The following APOB variants were observed in gnomAD, a reference collection of about 807,000 sequenced individuals.
The protein encoded by APOB is apolipoprotein B-100.
Under a neutral mutation model 314.1 loss-of-function variants are expected in APOB, and 153 were observed. The ratio of observed to expected loss-of-function variants is 0.49; its 90% CI spans 0.43 to 0.56. APOB has a LOEUF of 0.56. Among genes scored for constraint, APOB ranks in the 20% least tolerant of loss-of-function variants. APOB has a pLI of 0.00. For synonymous variants in APOB, 2,087 were observed against 2,036.4 expected (o/e 1.02, Z -0.67); for missense variants, 5,430 against 5,350.7 (o/e 1.01, Z -0.46).
chr2:21,039,497 G>A (rs1189997014), intron 4 of APOB, among the ~76,000 whole-genome samples: 1 of 152,132 alleles, frequency 6.6e-6, no homozygotes, highest in Non-Finnish European at 1.5e-5. Flanking sequence ...TACATCAGGA[G>A]GAAAAGGTGA....
intron 12 of APOB, 33 bp from the exon 13 acceptor site, chr2:21,028,571 C>T (rs1558572515): frequency 6.1e-6 from 9 of 1,474,866 alleles, no homozygotes; most frequent in Non-Finnish European, 8.5e-6. Flanking sequence ...TTATCACTGT[C>T]CTGTGGTCAG....
chr2:21,011,980 T>C lies in APOB; in HGVS notation c.4888A>G (p.Ile1630Val). ...NSHGLELNADILGTDKINSGA... is the reference protein window; with the variant it reads ...NSHGLELNADVLGTDKINSGA... ...CTATTAATTTTGTCAGTGCCTAAGA[T>C]GTCAGCATTTAACTCAAGACCATGG... The change falls in exon 26 of 29, where the codon ATC becomes GTC. Residue 1630 changes from isoleucine (I) to valine (V), a missense_variant. By Grantham distance (29) the Ile-to-Val change is conservative. Coordinates refer to ENST00000233242, the MANE Select transcript of APOB (RefSeq NM_000384.3). The C allele has an allele frequency of 6.2e-7, 1 of 1,614,146 alleles. No homozygotes were observed. The highest frequency in any genetic ancestry group is 8.5e-7 in the Non-Finnish European group (1 of 1,180,038).
In APOB at chr2:21,001,949, G is replaced by T; in HGVS notation, c.13473C>A (p.Tyr4491Ter). Residue 4491 changes from tyrosine to a stop codon, truncating the protein, a stop_gained, in exon 29 of 29, where the codon TAC (tyrosine) becomes TAA (stop). Coordinates refer to ENST00000233242, the MANE Select transcript of APOB (RefSeq NM_000384.3). LOFTEE classifies it high-confidence loss of function. ...GCAGTTTATATCTAAACTGCTGGTG[G>T]TAATCAGAAATTATTTTCTTCGTCG... ...AIATKKIISDYHQQFRYKLQD... is the reference protein window; with the variant it reads ...AIATKKIISD The T allele has an allele frequency of 6.2e-7, 1 of 1,614,034 alleles. No homozygotes were observed. The highest frequency in any genetic ancestry group is 2.2e-5 in the East Asian group (1 of 44,874).
chr2:21,002,823 G>A lies in APOB; in HGVS notation c.12599C>T (p.Pro4200Leu). Residue 4200 changes from proline to leucine, a missense_variant, in exon 29 of 29, where the codon CCC becomes CTC. Pro to Leu is a moderately conservative substitution (Grantham distance 98). Coordinates refer to ENST00000233242, the MANE Select transcript of APOB (RefSeq NM_000384.3). ...IDSLIDFLNF[P>L]RFQFPGKPGI... ...AGGTTTCCCCGGAAACTGGAATCTG[G>A]GGAAGTTCAGAAAATCAATGAGTGA... is the stretch of plus-strand genomic sequence containing the variant. The A allele has an allele frequency of 6.2e-7, 1 of 1,611,910 alleles. No homozygotes were observed. The highest frequency in any genetic ancestry group is 8.5e-7 in the Non-Finnish European group (1 of 1,178,912).
intron 14 of APOB, 87 bp from the exon 15 acceptor site, chr2:21,027,051 T>C: frequency 1.6e-6 from 2 of 1,228,890 alleles, no homozygotes; most frequent in South Asian, 1.2e-5. Context: ...TGTCCATTTA[T>C]CTAAACAAGT....
Position 21,009,780 on chromosome 2 carries a change from T to G in APOB, c.7088A>C (p.Glu2363Ala), listed in dbSNP as rs1242364094. ...QIQVLMDKLV[E>A]LAHQYKLKET... ...CTTCAACTTGTATTGGTGGGCCAACTCTACTAATTTATCCATTAAAACCTG... is the reference window on the plus strand; with the variant it reads ...CTTCAACTTGTATTGGTGGGCCAACGCTACTAATTTATCCATTAAAACCTG... Residue 2363 changes from glutamate (E) to alanine (A), a missense_variant, in exon 26 of 29, where the codon GAG (glutamate) becomes GCG (alanine). Coordinates refer to ENST00000233242, the MANE Select transcript of APOB (RefSeq NM_000384.3). 4 of 1,614,036 alleles carry G rather than the reference T, an allele frequency of 2.5e-6. No homozygotes were observed. In the South Asian group the frequency reaches 4.4e-5, roughly 18 times the overall value.
chr2:21,028,550 AG>A lies in APOB; in HGVS notation c.1618-13del, dbSNP rs2103375691. The A allele has an allele frequency of 1.3e-6, 2 of 1,590,840 alleles. No individual in the cohort carries two copies. The highest frequency in any genetic ancestry group is 2.7e-5 in the African/African-American group (2 of 74,688). On this transcript the variant is annotated splice_polypyrimidine_tract_variant and intron_variant, in intron 12 of 28. Coordinates refer to ENST00000233242, the MANE Select transcript of APOB (RefSeq NM_000384.3). ...AGAACCTCCTGGTCCTGCAGTCAAA[AG>A]AGGAGATGGTTATCACTGTCCTGTG...
intron 4 of APOB, among the ~76,000 whole-genome samples, chr2:21,040,450 A>C (rs1664102278): frequency 6.6e-6 from 1 of 152,214 alleles, no homozygotes; most frequent in Non-Finnish European, 1.5e-5. Flanking sequence ...GGCCCTGACC[A>C]GTCAGCAGAG....
Position 21,037,964 on chromosome 2 carries a change from C to T in APOB, c.531G>A (p.Leu177=). The change falls in exon 5 of 29, where the codon TTG becomes TTA. Residue 177 remains leucine (L), a synonymous_variant. Transcript: ENST00000233242. ...CAGCTTTCTAAATCCTCACCAGAAA[C>T]AACACTTGCTTGGCTTCTTCTGTCT... ...PPETEEAKQV[L]FLDTVYGNCS... The T allele has an allele frequency of 6.2e-7, 1 of 1,614,210 alleles. No homozygotes were observed. The highest frequency in any genetic ancestry group is 8.5e-7 in the Non-Finnish European group (1 of 1,180,048).
At chr2:21,027,306 A>ATTTTT (rs71391771) in intron 14 of APOB, among the ~76,000 whole-genome samples, 5,151 of 105,668 alleles carry the variant, frequency 0.049, 292 homozygotes, top group Non-Finnish European at 0.076. Flanking sequence ...TTGCATTTCA[A>ATTTTT]TTTTTTTTTT....
chr2:21,026,537 C>T (rs1663735384), intron 15 of APOB, among the ~76,000 whole-genome samples: 1 of 151,898 alleles, frequency 6.6e-6, no homozygotes, highest in Non-Finnish European at 1.5e-5. Flanking sequence ...CATGAACCAC[C>T]ACACCCAGCC....
At chr2:21,032,635 A>G in intron 9 of APOB, 54 bp from the exon 10 acceptor site, 1 of 1,378,822 alleles carries the variant, frequency 7.3e-7, no homozygotes, top group Non-Finnish European at 1.0e-6. Flanking sequence ...GGCACATAAA[A>G]TATTGCTCAT....
chr2:21,038,601 G>T (rs746432956), intron 4 of APOB, among the ~76,000 whole-genome samples: 1 of 152,184 alleles, frequency 6.6e-6, no homozygotes, highest in Non-Finnish European at 1.5e-5. Flanking sequence ...CTCCCAAAGT[G>T]CTGGGACTAC....
chr2:21,011,588 T>C lies in APOB; in HGVS notation c.5280A>G (p.Ala1760=). The change falls in exon 26 of 29, where the codon GCA becomes GCG. Residue 1760 remains alanine, a synonymous_variant. Transcript: ENST00000233242. The part of the protein sequence containing the change: ...KFDHTNSLNI[A]GLSLDFSSKL... ...TTGAAGAGAAGTCCAGTGATAAGCC[T>C]GCAATGTTCAGACTGTTTGTGTGGT... is the stretch of plus-strand genomic sequence containing the variant. 1 of 1,614,220 alleles carries C rather than the reference T, an allele frequency of 6.2e-7. No individual in the cohort carries two copies. Among genetic ancestry groups the C allele is most frequent in the East Asian group, 2.2e-5 (1 of 44,894 alleles).
rs774105545 is a variant in APOB at position 21,014,585 on chromosome 2, G to T, written c.3705C>A (p.Ser1235Arg). The change falls in exon 24 of 29, where the codon AGC becomes AGA. Residue 1235 changes from serine (S) to arginine (R), a missense_variant. Coordinates refer to ENST00000233242, the MANE Select transcript of APOB (RefSeq NM_000384.3). ...HVGSKLIVAMSSWLQKASGSL... is the reference protein window; with the variant it reads ...HVGSKLIVAMRSWLQKASGSL... ...TCCCAGATGCCTTCTGAAGCCATGA[G>T]CTCATTGCCTACAAAATGACAGGAG... is the stretch of plus-strand genomic sequence containing the variant. 3 of 1,614,066 alleles carry T rather than the reference G, an allele frequency of 1.9e-6. No individual in the cohort carries two copies. Among genetic ancestry groups the T allele is most frequent in the Non-Finnish European group, 2.5e-6 (3 of 1,179,956 alleles).
intron 18 of APOB, among the ~76,000 whole-genome samples, chr2:21,022,494 C>T (rs145511260): frequency 3.4e-4 from 51 of 152,164 alleles, no homozygotes; most frequent in African/African-American, 1.1e-3. Context: ...ATGATCTCTC[C>T]AGAGCTATTG....
chr2:21,027,766 G>A, intron 14 of APOB, 62 bp downstream of exon 14: 4 of 1,303,700 alleles, frequency 3.1e-6, no homozygotes, highest in South Asian at 1.2e-5. Flanking sequence ...TGGCTCCCAG[G>A]GACTCTCTGT....
At chr2:21,041,228 T>C in intron 3 of APOB, 145 bp from the exon 4 acceptor site, 3 of 800,548 alleles carry the variant, frequency 3.7e-6, no homozygotes, top group Non-Finnish European at 6.2e-6. Context: ...CCACATGCCT[T>C]ATCAACATGC....
Position 21,003,234 on chromosome 2 carries a change from G to T in APOB, c.12188C>A (p.Ala4063Asp). Residue 4063 changes from alanine to aspartate, a missense_variant, in exon 29 of 29, where the codon GCT (alanine) becomes GAT (aspartate). Coordinates refer to ENST00000233242, the MANE Select transcript of APOB (RefSeq NM_000384.3). Reference sequence around the variant, plus strand: ...TTTCAGAGAGGTTAGCAAGCCAGAAGCTGCCTCTTCTTCCCAATTAACTTT... The same window carrying T: ...TTTCAGAGAGGTTAGCAAGCCAGAATCTGCCTCTTCTTCCCAATTAACTTT... ...QIKVNWEEEA[A>D]SGLLTSLKDN... is the part of the protein sequence containing the mutation. 6.2e-7 allele frequency: 1 copy of T among 1,613,980 alleles called. No homozygotes were observed. The highest frequency in any genetic ancestry group is 1.1e-5 in the South Asian group (1 of 91,074).
Sources: allele counts gnomAD v4.1 joint callset (sites outside exome capture counted in the v4.1 genomes callset), GRCh38; gene constraint gnomAD v4.1.1; transcripts MANE v1.5; gene names NCBI Gene and HGNC (gene_info 2026-07-23, HGNC 2026-07-21).